Variants in ATG13 observed in about 807,000 individuals in gnomAD.
ATG13 encodes autophagy-related protein 13.
A neutral mutation model predicts 65.5 loss-of-function variants in ATG13; 23 were observed. That is an observed-to-expected ratio of 0.35 (90% CI 0.25 to 0.50). The LOEUF is 0.50. Among genes scored for constraint, ATG13 ranks in the 20% least tolerant of loss-of-function variants. The probability of loss-of-function intolerance (pLI) is 0.98; values close to 1 mark genes in which losing one functional copy is unlikely to be tolerated. For synonymous variants in ATG13, 252 were observed against 245.2 expected, an observed-to-expected ratio of 1.03 and a Z score of -0.26; for missense variants, 566 against 677.0, an observed-to-expected ratio of 0.84 and a Z score of 1.82.
intron 6 of ATG13, among the ~76,000 whole-genome samples, chr11:46,649,848 TAGAC>T (rs1232799914): frequency 1.6e-4 from 24 of 152,340 alleles, no homozygotes; most frequent in South Asian, 8.3e-4. Context: ...ATTATCGAGA[TAGAC>T]AGCTCATAGG....
intron 2 of ATG13, among the ~76,000 whole-genome samples, chr11:46,643,921 A>G (rs1299220917): frequency 6.6e-6 from 1 of 152,236 alleles, no homozygotes; most frequent in Non-Finnish European, 1.5e-5. Flanking sequence ...CTTTGAAGGA[A>G]TATAAATTAA....
Position 46,668,858 on chromosome 11 carries a change from C to G in ATG13, c.1394C>G (p.Ser465Cys). 6.2e-7 allele frequency: 1 copy of G among 1,614,008 alleles called. No homozygotes were observed. Among genetic ancestry groups the G allele is most frequent in the Non-Finnish European group, 8.5e-7 (1 of 1,180,010 alleles). Residue 465 changes from serine (S) to cysteine (C), a missense_variant, in exon 17 of 19, where the codon TCC becomes TGC. By Grantham distance (112) the Ser-to-Cys change is moderately radical. Coordinates refer to ENST00000683050, the MANE Select transcript of ATG13 (RefSeq NM_001346311.2). Reference protein sequence around the residue: ...PLQGSLHSDGSSGGSSGNTHD... With the variant: ...PLQGSLHSDGCSGGSSGNTHD... ...CAGGGCAGCCTGCACTCAGATGGCT[C>G]CAGCGGGGGCAGCAGTGGCAATACC... is the stretch of plus-strand genomic sequence containing the variant.
At chr11:46,634,823 TC>T (rs1352614838) in intron 2 of ATG13, among the ~76,000 whole-genome samples, 1 of 152,062 alleles carries the variant, frequency 6.6e-6, no homozygotes, top group African/African-American at 2.4e-5. Flanking sequence ...TGCCTCAGCC[TC>T]CCCAGTAGCT....
chr11:46,653,553 A>G (rs1412056199), intron 7 of ATG13, among the ~76,000 whole-genome samples: 1 of 150,694 alleles, frequency 6.6e-6, no homozygotes, highest in Non-Finnish European at 1.5e-5. Flanking sequence ...CCTAACATCT[A>G]ACCATGAAGC....
chr11:46,650,669 G>A (rs980887694), intron 7 of ATG13, among the ~76,000 whole-genome samples: 16 of 152,180 alleles, frequency 1.1e-4, no homozygotes, highest in African/African-American at 3.4e-4. Flanking sequence ...GCAATGGCGC[G>A]ATCTTGGCCC....
At position 46,671,778 on chromosome 11, in the gene ATG13, ACC is replaced by A. The variant is rs199847175; in HGVS notation, c.1576-476_1576-475del. ...TTAAAAATACAGATTCCTAGGCCTT[ACC>A]ACAGACCTGCTACTGTGTCAGAATG... is the stretch of plus-strand genomic sequence containing the variant. On this transcript the variant is annotated intron_variant, in intron 18 of 18. Transcript: ENST00000683050. Among the ~76,000 whole-genome samples the A allele has an allele frequency of 6.3e-3, 957 of 152,258 alleles. 10 individuals are homozygous for A. The highest frequency in any genetic ancestry group is 0.015 in the African/African-American group (631 of 41,548).
rs1565398856 is a variant in ATG13, at chr11:46,622,120, TA to T, written c.-70+4231del. On this transcript the variant is annotated intron_variant, in intron 1 of 18. Coordinates refer to ENST00000683050, the MANE Select transcript of ATG13 (RefSeq NM_001346311.2). ...ATATATATATATATATATATATATATATATATATTTATTTTAGAGATGGTAT... is the reference window on the plus strand; with the variant it reads ...ATATATATATATATATATATATATATTATATATTTATTTTAGAGATGGTAT... Among the ~76,000 whole-genome samples, 394 of 117,558 alleles carry T rather than the reference TA, an allele frequency of 3.4e-3. 5 individuals are homozygous for T. The highest frequency in any genetic ancestry group is 9.6e-3 in the African/African-American group (276 of 28,640). 77.1% of individuals were successfully genotyped at this position (117,558 alleles called of 152,430 possible). A position where few individuals can be genotyped will look rare whatever the true frequency, so the allele number is the denominator to read the frequency against.
chr11:46,644,204 C>T, intron 2 of ATG13, 75 bp from the exon 3 acceptor site: 1 of 1,146,064 alleles, frequency 8.7e-7, no homozygotes, highest in Non-Finnish European at 1.2e-6. Flanking sequence ...GTAGACAATA[C>T]CATCTCTGTA....
chr11:46,638,641 A>G (rs1474965467), intron 2 of ATG13: 1 of 152,086 alleles, frequency 6.6e-6, no homozygotes, highest in South Asian at 2.1e-4. Flanking sequence ...TACTACTTTA[A>G]TAACAACATC....
At chr11:46,651,794 C>G (rs7109698) in intron 7 of ATG13, among the ~76,000 whole-genome samples, 6 of 151,990 alleles carry the variant, frequency 3.9e-5, no homozygotes, top group African/African-American at 1.5e-4. Context: ...CCGTCTTCTC[C>G]GTAGTCTTCT....
chr11:46,617,597 G>T lies in ATG13; in HGVS notation c.-363G>T. 1 of 249,826 alleles carries T rather than the reference G, an allele frequency of 4.0e-6. No homozygotes were observed. The highest frequency in any genetic ancestry group is 7.3e-6 in the Non-Finnish European group (1 of 137,774). The allele number at this position is 249,826 out of a possible 1,614,324, so 15.5% of individuals were successfully genotyped here. A position where few individuals can be genotyped will look rare whatever the true frequency, so the allele number is the denominator to read the frequency against. On this transcript the variant is annotated 5_prime_UTR_variant, in exon 1 of 19. Transcript: ENST00000683050. Reference sequence around the variant, plus strand: ...GAAAACAAACACTAACGATGGCGGCGCCGGGAAGCGACCGGCTGCTGGGCT... The same window carrying T: ...GAAAACAAACACTAACGATGGCGGCTCCGGGAAGCGACCGGCTGCTGGGCT...
chr11:46,663,067 C>T (rs1389388795), intron 11 of ATG13, among the ~76,000 whole-genome samples: 2 of 151,958 alleles, frequency 1.3e-5, no homozygotes, highest in African/African-American at 2.4e-5. Context: ...AGATCGAGAC[C>T]ATCCTGGCTA....
Position 46,672,922 on chromosome 11 carries a change from A to C in ATG13, c.*590A>C. 1 of 823,858 alleles carries C rather than the reference A, an allele frequency of 1.2e-6. No homozygotes were observed. Among genetic ancestry groups the C allele is most frequent in the South Asian group, 1.8e-5 (1 of 56,124 alleles). 51.0% of individuals were successfully genotyped at this position (823,858 alleles called of 1,614,324 possible). A position where few individuals can be genotyped will look rare whatever the true frequency, so the allele number is the denominator to read the frequency against. On this transcript the variant is annotated 3_prime_UTR_variant, in exon 19 of 19. Transcript: ENST00000683050. ...GCAATATGACAGGCCTGCCTACCCA[A>C]GATCAGAACTCCAAAACCACTCCCA...
At chr11:46,624,296 A>G (rs2048721337) in intron 1 of ATG13, among the ~76,000 whole-genome samples, 1 of 152,076 alleles carries the variant, frequency 6.6e-6, no homozygotes, top group Non-Finnish European at 1.5e-5. Flanking sequence ...AGCCACCACA[A>G]CCAGCCAAAT....
chr11:46,645,536 TAATTCCATTTG>T, intron 4 of ATG13, 117 bp downstream of exon 4: 1 of 866,152 alleles, frequency 1.2e-6, no homozygotes, highest in South Asian at 1.9e-5. Flanking sequence ...GTAAAATATC[TAATTCCATTTG>T]ATCCATTTAC....
chr11:46,635,380 A>ATATAT (rs2053597832), intron 2 of ATG13, among the ~76,000 whole-genome samples: 1 of 152,198 alleles, frequency 6.6e-6, no homozygotes, highest in South Asian at 2.1e-4. Context: ...GTTTTGATAA[A>ATATAT]TATATACATT....
intron 10 of ATG13, among the ~76,000 whole-genome samples, chr11:46,657,985 C>T (rs1402039856): frequency 6.6e-6 from 1 of 151,822 alleles, no homozygotes; most frequent in Admixed American, 6.6e-5. Flanking sequence ...AGGAGAATTG[C>T]TTGAACCTGG....
intron 2 of ATG13, among the ~76,000 whole-genome samples, chr11:46,636,343 G>A (rs1238478057): frequency 6.6e-6 from 1 of 151,974 alleles, no homozygotes; most frequent in Non-Finnish European, 1.5e-5. Context: ...GGATCATGAG[G>A]TCAGGAGATC....
chr11:46,631,461 G>C (rs1445285160), intron 2 of ATG13, among the ~76,000 whole-genome samples: 4 of 152,206 alleles, frequency 2.6e-5, no homozygotes, highest in African/African-American at 9.7e-5. Context: ...ATTATCTTTT[G>C]CACTTAAGTA....
Sources: gnomAD v4.1 joint callset for allele counts (sites outside exome capture counted in the v4.1 genomes callset) on GRCh38, gnomAD v4.1.1 for gene constraint, MANE v1.5 for transcripts, NCBI Gene and HGNC (gene_info 2026-07-23, HGNC 2026-07-21) for gene names.